SERPINF2: variants seen among roughly 807,000 people sequenced by gnomAD.
The protein encoded by SERPINF2 is alpha-2-antiplasmin.
In SERPINF2, 15 loss-of-function variants were observed where a neutral mutation model predicts 45.0. The ratio of observed to expected loss-of-function variants is 0.33; its 90% CI spans 0.22 to 0.51. The LOEUF is 0.51. Among genes scored for constraint, SERPINF2 ranks in the 20% least tolerant of loss-of-function variants. The pLI is 0.97. For missense variants in SERPINF2, 518 were observed against 637.4 expected, an observed-to-expected ratio of 0.81 and a Z score of 2.02; for synonymous variants, 283 against 277.9, an observed-to-expected ratio of 1.02 and a Z score of -0.18.
chr17:1,747,128 G>A lies in SERPINF2; in HGVS notation c.477G>A (p.Ala159=), dbSNP rs751434098. ...TCTGCCAGGACCTGGGCCCCGGCGC[G>A]TTCCGACTGGCTGCCAGGATGTACC... is the stretch of plus-strand genomic sequence containing the variant. ...SRLCQDLGPG[A]FRLAARMYLQ... The change falls in exon 6 of 10, where the codon GCG becomes GCA. Residue 159 remains alanine, a synonymous_variant. Coordinates refer to ENST00000453066, the MANE Select transcript of SERPINF2 (RefSeq NM_000934.4). The A allele has an allele frequency of 1.4e-5, 22 of 1,611,798 alleles. No homozygotes were observed. The highest frequency in any genetic ancestry group is 3.3e-4 in the Middle Eastern group (2 of 6,036).
chr17:1,745,085 G>T lies in SERPINF2; in HGVS notation c.63+27G>T, dbSNP rs1460852126. On this transcript the variant is annotated intron_variant, in intron 2 of 9. Coordinates refer to ENST00000453066, the MANE Select transcript of SERPINF2 (RefSeq NM_000934.4). The surrounding 1 kb of genome is among the most constrained non-coding windows in gnomAD (Gnocchi z 6.2). ...TGAGGCTGGGCTGAAGTCAAGGTGG[G>T]GTGGGGTGGAGGGGGAAGAAGAGGG... 4 of 1,611,380 alleles carry T rather than the reference G, an allele frequency of 2.5e-6. No individual in the cohort carries two copies. In the Admixed American group the frequency reaches 5.0e-5, roughly 20 times the overall value.
At chr17:1,752,485 G>C (rs1409065277) in intron 8 of SERPINF2, 101 bp from the exon 9 acceptor site, 9 of 1,030,184 alleles carry the variant, frequency 8.7e-6, no homozygotes, top group Non-Finnish European at 1.4e-5. Flanking sequence ...TGGCAGGATG[G>C]CCAGGAGCCC....
intron 9 of SERPINF2, among the ~76,000 whole-genome samples, chr17:1,753,098 C>G (rs1906530663): frequency 6.6e-6 from 1 of 152,182 alleles, no homozygotes; most frequent in African/African-American, 2.4e-5. Context: ...GGAGGAGAAG[C>G]TGGGGTGTCA....
intron 6 of SERPINF2, 28 bp from the exon 7 acceptor site, chr17:1,747,281 G>C (rs746242464): frequency 6.2e-7 from 1 of 1,612,808 alleles, no homozygotes; most frequent in South Asian, 1.1e-5. Context: ...CTGGAGCCCT[G>C]GGAACAGCTT....
chr17:1,754,253 A>G lies in SERPINF2; in HGVS notation c.1195A>G (p.Ile399Val). Residue 399 changes from isoleucine to valine, a missense_variant, in exon 10 of 10, where the codon ATT (isoleucine) becomes GTT (valine). By Grantham distance (29) the Ile-to-Val change is conservative. Transcript: ENST00000453066. ...VGVEAAAATS[I>V]AMSRMSLSSF... is the part of the protein sequence containing the mutation. The stretch of plus-strand genomic sequence containing the variant: ...CGTGGAGGCGGCGGCGGCCACCAGC[A>G]TTGCCATGTCCCGCATGTCCCTGTC... The G allele has an allele frequency of 1.2e-6, 2 of 1,614,124 alleles. No individual in the cohort carries two copies. The highest frequency in any genetic ancestry group is 8.5e-7 in the Non-Finnish European group (1 of 1,180,026).
intron 1 of SERPINF2, chr17:1,744,678 C>A: frequency 1.0e-6 from 1 of 985,416 alleles, no homozygotes; most frequent in Non-Finnish European, 1.2e-6. Context: ...TGATTCACAG[C>A]GCAGGGCCTT....
At position 1,755,020 on chromosome 17, in the gene SERPINF2, G is replaced by T; in HGVS notation, c.*486G>T. On this transcript the variant is annotated 3_prime_UTR_variant, in exon 10 of 10. Coordinates refer to ENST00000453066, the MANE Select transcript of SERPINF2 (RefSeq NM_000934.4). The surrounding 1 kb of genome is among the most constrained non-coding windows in gnomAD (Gnocchi z 4.2). ...TGGAACTCGTGTCTGGCACAGCCTG[G>T]CTGTGGCCTAACCTGCCGAGAGTCC... 5.7e-6 allele frequency: 1 copy of T among 176,004 alleles called. No homozygotes were observed. Among genetic ancestry groups the T allele is most frequent in the Admixed American group, 5.7e-5 (1 of 17,674 alleles). 10.9% of individuals were successfully genotyped at this position (176,004 alleles called of 1,614,324 possible).
rs1416394387 is a variant in SERPINF2 at position 1,749,005 on chromosome 17, G to A, written c.858+265G>A. 3.3e-5 allele frequency among the ~76,000 whole-genome samples: 5 copies of A among 152,232 alleles called. 1 individual carries two copies. The highest frequency in any genetic ancestry group is 2.9e-5 in the Non-Finnish European group (2 of 68,054). On this transcript the variant is annotated intron_variant, in intron 8 of 9. Coordinates refer to ENST00000453066, the MANE Select transcript of SERPINF2 (RefSeq NM_000934.4). Reference sequence around the variant, plus strand: ...TTCCAGATACTGTTCTAAGCACTAGGGTTTTTGTGGAGCATGAGGGAGGCC... The same window carrying A: ...TTCCAGATACTGTTCTAAGCACTAGAGTTTTTGTGGAGCATGAGGGAGGCC...
Position 1,747,122 on chromosome 17 carries a change from C to G in SERPINF2, c.471C>G (p.Pro157=). ...GCCGCCTCTGCCAGGACCTGGGCCC[C>G]GGCGCGTTCCGACTGGCTGCCAGGA... ...LLSRLCQDLG[P]GAFRLAARMY... is the part of the protein sequence containing the mutation. Residue 157 remains proline, a synonymous_variant, in exon 6 of 10, where the codon CCC becomes CCG. Transcript: ENST00000453066. 1 of 1,611,742 alleles carries G rather than the reference C, an allele frequency of 6.2e-7. No individual in the cohort carries two copies. The highest frequency in any genetic ancestry group is 8.5e-7 in the Non-Finnish European group (1 of 1,179,978).
rs1307931411 is a variant in SERPINF2 at position 1,750,833 on chromosome 17, G to A, written c.859-1753G>A. Among the ~76,000 whole-genome samples the A allele has an allele frequency of 4.6e-5, 7 of 152,248 alleles. No individual in the cohort carries two copies. In the East Asian group the frequency reaches 5.8e-4, roughly 13 times the overall value. ...GTGGGTGAGGCTGGCCCGGGAACGCGTCCTGGCTTCCCTGCAGCTCATTCT... is the reference window on the plus strand; with the variant it reads ...GTGGGTGAGGCTGGCCCGGGAACGCATCCTGGCTTCCCTGCAGCTCATTCT... On this transcript the variant is annotated intron_variant, in intron 8 of 9. Transcript: ENST00000453066.
At chr17:1,743,691 CATG>C (rs1350166811) in intron 1 of SERPINF2, among the ~76,000 whole-genome samples, 1 of 111,844 alleles carries the variant, frequency 8.9e-6, no homozygotes, top group African/African-American at 3.5e-5. Context: ...CTCCAGCCTG[CATG>C]ATAAGAATGA....
In SERPINF2 at chr17:1,745,969, T is replaced by G; in HGVS notation, c.367+60T>G. 2 of 1,568,890 alleles carry G rather than the reference T, an allele frequency of 1.3e-6. No homozygotes were observed. The highest frequency in any genetic ancestry group is 1.1e-5 in the South Asian group (1 of 90,112). On this transcript the variant is annotated intron_variant, in intron 5 of 9. Transcript: ENST00000453066. This position sits in a 1 kb window ranked among gnomAD's most constrained non-coding sequence, Gnocchi z 6.2. ...TGGGAGGCCAGTAGGAACTCAGTAC[T>G]CCAATGGTTCTCCGCGGGCGGTTCC...
intron 1 of SERPINF2, chr17:1,743,221 C>T (rs1905454781): frequency 1.9e-6 from 1 of 524,782 alleles, no homozygotes; most frequent in Non-Finnish European, 2.4e-6. Flanking sequence ...CTCCTGAGAC[C>T]AACACCTGCC....
chr17:1,745,110 G>C lies in SERPINF2; in HGVS notation c.63+52G>C. 1 of 1,606,440 alleles carries C rather than the reference G, an allele frequency of 6.2e-7. No individual in the cohort carries two copies. On this transcript the variant is annotated intron_variant, in intron 2 of 9. Transcript: ENST00000453066. This position sits in a 1 kb window ranked among gnomAD's most constrained non-coding sequence, Gnocchi z 6.2. ...GGTGGGGTGGAGGGGGAAGAAGAGG[G>C]GCGTTGGCATGGAGGGAGGGCTTGG... is the stretch of plus-strand genomic sequence containing the variant.
intron 6 of SERPINF2, 62 bp from the exon 7 acceptor site, chr17:1,747,247 T>C: frequency 6.2e-7 from 1 of 1,610,340 alleles, no homozygotes; most frequent in African/African-American, 1.3e-5. Flanking sequence ...TGGTAGCGAG[T>C]AGGGGCGTGT....
chr17:1,749,163 C>G (rs1412608414), intron 8 of SERPINF2, among the ~76,000 whole-genome samples: 1 of 152,122 alleles, frequency 6.6e-6, no homozygotes, highest in Non-Finnish European at 1.5e-5. Context: ...AGCGGTGGCT[C>G]ACGCCTGTAA....
intron 5 of SERPINF2, 66 bp from the exon 6 acceptor site, chr17:1,746,953 C>T (rs1365625659): frequency 1.9e-6 from 3 of 1,575,766 alleles, no homozygotes; most frequent in Non-Finnish European, 2.6e-6. Flanking sequence ...CCAGGAGGGA[C>T]TGGAGTGGGC....
At chr17:1,744,723 T>A in intron 1 of SERPINF2, 1 of 985,356 alleles carries the variant, frequency 1.0e-6, no homozygotes, top group Non-Finnish European at 1.2e-6. Flanking sequence ...GGTATCTCCC[T>A]CCTATTCACC....
chr17:1,751,237 T>C (rs1008749588), intron 8 of SERPINF2, among the ~76,000 whole-genome samples: 4 of 149,190 alleles, frequency 2.7e-5, no homozygotes, highest in African/African-American at 1.0e-4. Flanking sequence ...TCACCTGAGG[T>C]CTGGAGTTTG....
Sources: gnomAD v4.1 joint callset for allele counts (sites outside exome capture counted in the v4.1 genomes callset) on GRCh38, gnomAD v4.1.1 for gene constraint, Gnocchi (gnomAD v3.1) non-coding constraint, MANE v1.5 for transcripts, NCBI Gene and HGNC (gene_info 2026-07-23, HGNC 2026-07-21) for gene names.